The following NECAB2 variants were observed in gnomAD, a reference collection of about 807,000 sequenced individuals.
NECAB2 encodes N-terminal EF-hand calcium binding protein 2, also known as N-terminal EF-hand calcium-binding protein 2.
Under a neutral mutation model 51.9 loss-of-function variants are expected in NECAB2, and 68 were observed. That is an observed-to-expected ratio of 1.31 (90% CI 1.08 to 1.60). The LOEUF (loss-of-function observed/expected upper bound fraction) is 1.60, where lower values mean the gene tolerates loss of function less well. Among genes scored for constraint, NECAB2 ranks in the 40% most tolerant of loss-of-function variants. NECAB2 has a pLI of 0.00. For missense variants in NECAB2, 854 were observed against 490.3 expected (o/e 1.74, Z -7.00); for synonymous variants, 329 against 203.5 (o/e 1.62, Z -5.25).
intron 10 of NECAB2, among the ~76,000 whole-genome samples, chr16:84,000,127 C>A (rs8048675): frequency 0.17 from 26,140 of 151,794 alleles, 4,161 homozygotes; most frequent in African/African-American, 0.43. Context: ...CCTGACCTCA[C>A]GTAATCCACC....
At position 83,992,192 on chromosome 16, in the gene NECAB2, G is replaced by T. The variant is rs138963103; in HGVS notation, c.596+1562G>T. 2.1e-4 allele frequency among the ~76,000 whole-genome samples: 31 copies of T among 145,484 alleles called. 1 individual carries two copies. The highest frequency in any genetic ancestry group is 3.1e-4 in the Non-Finnish European group (21 of 67,874). ...GTTTCTCAGGAGGACTGAAAGAGAC[G>T]TGAAAGAGGAGTGTTTCTTTCTGGT... On this transcript the variant is annotated intron_variant, in intron 6 of 12. Transcript: ENST00000305202.
Position 84,000,812 on chromosome 16 carries a change from G to A in NECAB2, c.1040+11G>A, listed in dbSNP as rs754989202. The A allele has an allele frequency of 1.2e-6, 2 of 1,613,054 alleles. No homozygotes were observed. The highest frequency in any genetic ancestry group is 1.1e-5 in the South Asian group (1 of 91,070). ...GGAGGCGTGGAAGAGGTGAGATGCT[G>A]GGTCCCCACAGCAGGTGAGGGAGAC... On this transcript the variant is annotated intron_variant, in intron 11 of 12. Transcript: ENST00000305202.
At chr16:83,967,689 C>T (rs1203996517), upstream of NECAB2, among the ~76,000 whole-genome samples, 3 of 78,688 alleles carry the variant, frequency 3.8e-5, no homozygotes, top group Non-Finnish European at 4.9e-5. Context: ...GATGGGCGGG[C>T]GGGCAGATGG....
chr16:83,966,544 GAGTGGCGGGTGTGTGCAGGC>G (rs1325031801), upstream of NECAB2, among the ~76,000 whole-genome samples: 3 of 151,984 alleles, frequency 2.0e-5, no homozygotes, highest in Non-Finnish European at 4.4e-5. Context: ...CTGGGGGTGG[GAGTGGCGGGTGTGTGCAGGC>G]AGTGATGTCC....
At chr16:83,966,258 T>C, upstream of NECAB2, 1 of 525,014 alleles carries the variant, frequency 1.9e-6, no homozygotes, top group Non-Finnish European at 3.3e-6. Context: ...TGTGACCAGC[T>C]GAGCACCCAG....
At chr16:83,975,022 G>A (rs1212175031) in intron 2 of NECAB2, among the ~76,000 whole-genome samples, 129 of 143,050 alleles carry the variant, frequency 9.0e-4, no homozygotes, top group East Asian at 1.9e-3. Context: ...AGGGATGAGA[G>A]CAGGTGTGCA....
chr16:83,997,057 A>G (rs952705717), intron 8 of NECAB2, among the ~76,000 whole-genome samples, 159 bp from the exon 9 acceptor site: 2 of 150,294 alleles, frequency 1.3e-5, no homozygotes, highest in East Asian at 1.9e-4. Context: ...TGTAGGCCAG[A>G]GGGAGTCTCT....
intron 9 of NECAB2, among the ~76,000 whole-genome samples, chr16:83,997,823 G>A (rs529269728): frequency 6.6e-6 from 1 of 152,116 alleles, no homozygotes; most frequent in Non-Finnish European, 1.5e-5. Flanking sequence ...TCCAAAAAAG[G>A]TTTGGCATAG....
upstream of NECAB2, chr16:83,965,570 C>A (rs149593532): frequency 6.2e-7 from 1 of 1,612,854 alleles, no homozygotes; most frequent in African/African-American, 1.3e-5. Context: ...GCCCAAGATG[C>A]TGTACCCCGA....
chr16:83,990,024 A>AG (rs1407703709), intron 5 of NECAB2, among the ~76,000 whole-genome samples: 10 of 152,128 alleles, frequency 6.6e-5, no homozygotes, highest in South Asian at 2.1e-4. Flanking sequence ...GGAAGGAGGG[A>AG]GGGAAGGTCG....
chr16:83,991,309 C>G (rs61604407), intron 6 of NECAB2, among the ~76,000 whole-genome samples: 19,500 of 150,714 alleles, frequency 0.13, 2,308 homozygotes, highest in African/African-American at 0.32. Context: ...CTCTCTCTTT[C>G]TTTCTCTCTT....
chr16:83,978,996 A>G (rs2084451615), intron 3 of NECAB2, among the ~76,000 whole-genome samples: 1 of 152,104 alleles, frequency 6.6e-6, no homozygotes, highest in Admixed American at 6.5e-5. Context: ...CTAACTCAAC[A>G]CTACGTCTAT....
Position 83,990,448 on chromosome 16 carries a change from C to A in NECAB2, c.460-46C>A, listed in dbSNP as rs373377159. 289 of 1,603,038 alleles carry A rather than the reference C, an allele frequency of 1.8e-4. No homozygotes were observed. The African/African-American group carries it at 2.2e-3, about 12-fold the overall frequency. On this transcript the variant is annotated intron_variant, in intron 5 of 12. Transcript: ENST00000305202. ...CTGTGCTAGACCCCACCTCCAATTT[C>A]CCTCCCACCCCTTTCCCCTCAGTGC...
chr16:83,971,271 C>T lies in NECAB2; in HGVS notation c.202-880C>T, dbSNP rs546413851. Among the ~76,000 whole-genome samples the T allele has an allele frequency of 2.2e-4, 34 of 152,202 alleles. 2 individuals carry two copies. The South Asian group carries it at 5.6e-3, about 25-fold the overall frequency. ...TTAGCGCACAGGTGTCAACATTGGG[C>T]CTGGGAGGCTTTAAAAATGCTGAAA... is the stretch of plus-strand genomic sequence containing the variant. On this transcript the variant is annotated intron_variant, in intron 1 of 12. Transcript: ENST00000305202.
intron 1 of NECAB2, among the ~76,000 whole-genome samples, chr16:83,971,264 C>T (rs1021979486): frequency 1.3e-5 from 2 of 152,160 alleles, no homozygotes; most frequent in African/African-American, 4.8e-5. Context: ...CAGGTGTCAA[C>T]ATTGGGCCTG....
chr16:83,985,277 C>T lies in NECAB2; in HGVS notation c.459+4150C>T, dbSNP rs746059508. Among the ~76,000 whole-genome samples, 99 of 119,218 alleles carry T rather than the reference C, an allele frequency of 8.3e-4. 1 individual carries two copies. The highest frequency in any genetic ancestry group is 2.1e-4 in the Non-Finnish European group (13 of 60,828). The allele number at this position is 119,218 out of a possible 152,430, so 78.2% of individuals were successfully genotyped here. A position where few individuals can be genotyped will look rare whatever the true frequency, so the allele number is the denominator to read the frequency against. ...GCAGTGAGTAGAGACTGCGCCATTG[C>T]ACTCCAGCCTGGACAACAAGAGCAA... On this transcript the variant is annotated intron_variant, in intron 5 of 12. Transcript: ENST00000305202.
intron 5 of NECAB2, among the ~76,000 whole-genome samples, chr16:83,986,301 G>A (rs528828730): frequency 6.6e-6 from 1 of 152,318 alleles, no homozygotes; most frequent in Admixed American, 6.5e-5. Flanking sequence ...ACAGGCATGA[G>A]CCACTGCGCC....
chr16:83,965,314 C>T, upstream of NECAB2: 2 of 1,585,094 alleles, frequency 1.3e-6, no homozygotes, highest in Non-Finnish European at 1.7e-6. Context: ...TCGCCACAGG[C>T]ACGTTCGACA....
intron 10 of NECAB2, among the ~76,000 whole-genome samples, chr16:84,000,287 T>G (rs1002718836): frequency 6.6e-6 from 1 of 150,612 alleles, no homozygotes; most frequent in African/African-American, 2.5e-5. Context: ...CCTGGCACTT[T>G]GGGAAGCCAA....
Sources: gnomAD v4.1 joint callset for allele counts (sites outside exome capture counted in the v4.1 genomes callset) on GRCh38, gnomAD v4.1.1 for gene constraint, MANE v1.5 for transcripts, NCBI Gene and HGNC (gene_info 2026-07-23, HGNC 2026-07-21) for gene names.